The following OLA1 variants were observed in gnomAD, a reference collection of about 807,000 sequenced individuals.
The protein encoded by OLA1 is obg-like ATPase 1.
OLA1 carries 14 observed loss-of-function variants against 48.4 expected under a neutral mutation model. That is an observed-to-expected ratio of 0.29 (90% CI 0.19 to 0.45). The LOEUF (loss-of-function observed/expected upper bound fraction) is 0.45. Ranked by LOEUF, OLA1 falls within the 20% of genes least tolerant of loss-of-function variation. The pLI, the probability that OLA1 is intolerant of heterozygous loss-of-function variation, is 1.00. For synonymous variants in OLA1, 127 were observed against 150.4 expected, an observed-to-expected ratio of 0.84 and a Z score of 1.14; for missense variants, 325 against 467.1, an observed-to-expected ratio of 0.70 and a Z score of 2.80.
At chr2:174,176,838 A>C (rs1039566389) in intron 4 of OLA1, among the ~76,000 whole-genome samples, 3 of 152,212 alleles carry the variant, frequency 2.0e-5, no homozygotes, top group Admixed American at 6.5e-5. Context: ...TAAACTCATC[A>C]ATTCAAAATT....
At chr2:174,163,753 TATATATATATATATATATATATAA>T (rs1416500921) in intron 4 of OLA1, among the ~76,000 whole-genome samples, 549 of 39,842 alleles carry the variant, frequency 0.014, 50 homozygotes, top group African/African-American at 0.023. Flanking sequence ...TATATATATA[TATATATATATATATATATATATAA>T]ATAAATGTTT....
chr2:174,124,321 ATCTC>A (rs1339090806), intron 5 of OLA1: 1 of 151,106 alleles, frequency 6.6e-6, no homozygotes, highest in Non-Finnish European at 1.5e-5. Context: ...CTTTCAGAAC[ATCTC>A]TCTCTGCTGG....
chr2:174,075,259 G>C lies in OLA1; in HGVS notation c.*167C>G, dbSNP rs908060306. On this transcript the variant is annotated 3_prime_UTR_variant, in exon 11 of 11. Transcript: ENST00000284719. ...TTAGTGAACCTGCATTTCATGGGGG[G>C]GGGGGGGTACACAGTATTTTAATTT... The C allele has an allele frequency of 2.7e-5, 14 of 514,394 alleles. No individual in the cohort carries two copies. The highest frequency in any genetic ancestry group is 8.2e-5 in the African/African-American group (4 of 49,030). 31.9% of individuals were successfully genotyped at this position (514,394 alleles called of 1,614,324 possible).
At position 174,144,938 on chromosome 2, in the gene OLA1, AAAAAAAAAAAAAAATATATATATATATAT is replaced by A. The variant is rs1372506112; in HGVS notation, c.374-2967_374-2939del. Among the ~76,000 whole-genome samples, 10 of 58,012 alleles carry A rather than the reference AAAAAAAAAAAAAAATATATATATATATAT, an allele frequency of 1.7e-4. 1 individual carries two copies. The South Asian group carries it at 7.0e-3, about 41-fold the overall frequency. The allele number at this position is 58,012 out of a possible 152,430, so 38.1% of individuals were successfully genotyped here. ...CAGAGTAAGACCCTGTTTAAAAAAA[AAAAAAAAAAAAAAATATATATATATATAT>A]ATATATATATATATAATCACGGAAT... On this transcript the variant is annotated intron_variant, in intron 4 of 10. Coordinates refer to ENST00000284719, the MANE Select transcript of OLA1 (RefSeq NM_013341.5).
chr2:174,139,698 C>G (rs1574503382), intron 5 of OLA1, among the ~76,000 whole-genome samples: 1 of 151,956 alleles, frequency 6.6e-6, no homozygotes, highest in East Asian at 1.9e-4. Context: ...AACCCCGTCT[C>G]TACTAAAAAT....
chr2:174,088,567 C>T (rs4246616), intron 7 of OLA1, among the ~76,000 whole-genome samples: 82,913 of 152,056 alleles, frequency 0.55, 23,263 homozygotes, highest in East Asian at 0.95. Flanking sequence ...TAAAATTCAA[C>T]ACATCTTTAC....
At chr2:174,230,583 A>C (rs764481372) in intron 2 of OLA1, among the ~76,000 whole-genome samples, 1 of 152,218 alleles carries the variant, frequency 6.6e-6, no homozygotes, top group Non-Finnish European at 1.5e-5. Flanking sequence ...ATCATCTGTC[A>C]TCTTAATCTG....
chr2:174,226,640 C>T (rs564543057), intron 3 of OLA1, among the ~76,000 whole-genome samples: 8 of 152,238 alleles, frequency 5.3e-5, no homozygotes, highest in African/African-American at 1.9e-4. Flanking sequence ...GCTGGGATTA[C>T]AGCCATGGGC....
At chr2:174,090,490 G>T (rs750485196) in intron 7 of OLA1, among the ~76,000 whole-genome samples, 3 of 152,234 alleles carry the variant, frequency 2.0e-5, no homozygotes, top group Non-Finnish European at 2.9e-5. Context: ...GTTTGAGGGG[G>T]CATGTGAACC....
intron 4 of OLA1, among the ~76,000 whole-genome samples, chr2:174,180,493 T>C (rs1168262464): frequency 2.0e-5 from 3 of 152,218 alleles, no homozygotes; most frequent in African/African-American, 7.2e-5. Flanking sequence ...ACTTGACCTC[T>C]GACTGGGGCA....
chr2:174,090,255 C>T (rs982511207), intron 7 of OLA1, among the ~76,000 whole-genome samples: 2 of 152,108 alleles, frequency 1.3e-5, no homozygotes, highest in Admixed American at 1.3e-4. Flanking sequence ...TGAGGATTAA[C>T]GCACTTTCTG....
intron 2 of OLA1, among the ~76,000 whole-genome samples, chr2:174,236,960 T>C (rs1424794384): frequency 6.6e-6 from 1 of 152,154 alleles, no homozygotes; most frequent in African/African-American, 2.4e-5. Flanking sequence ...TTATGAACAT[T>C]GTACATTCAG....
chr2:174,153,436 G>C (rs1686792502), intron 4 of OLA1, among the ~76,000 whole-genome samples: 1 of 152,032 alleles, frequency 6.6e-6, no homozygotes, highest in South Asian at 2.1e-4. Flanking sequence ...ATTAAAATTG[G>C]AGCTTATATT....
At chr2:174,195,646 T>G (rs1687864562) in intron 4 of OLA1, among the ~76,000 whole-genome samples, 1 of 152,228 alleles carries the variant, frequency 6.6e-6, no homozygotes, top group Non-Finnish European at 1.5e-5. Context: ...GTTTTCCTGC[T>G]TTTAATCACT....
intron 2 of OLA1, among the ~76,000 whole-genome samples, chr2:174,241,251 G>T (rs1208769942): frequency 6.6e-6 from 1 of 152,130 alleles, no homozygotes; most frequent in Non-Finnish European, 1.5e-5. Flanking sequence ...TCACATGAGG[G>T]ATCCCAATGA....
chr2:174,245,383 C>A (rs912445864), intron 2 of OLA1, among the ~76,000 whole-genome samples: 12 of 152,148 alleles, frequency 7.9e-5, no homozygotes, highest in African/African-American at 2.7e-4. Flanking sequence ...TTAAGACATG[C>A]CTCACTTGGT....
chr2:174,073,348 C>A lies in OLA1; in HGVS notation c.*2078G>T, dbSNP rs1302767888. ...TTTGATTAAGATGGAGCTACAGATA[C>A]ATGCAAAAATATTTACATAACATCC... On this transcript the variant is annotated 3_prime_UTR_variant, in exon 11 of 11. Transcript: ENST00000284719. 6.6e-6 allele frequency: 1 copy of A among 152,012 alleles called. No homozygotes were observed. Among genetic ancestry groups the A allele is most frequent in the Admixed American group, 6.6e-5 (1 of 15,264 alleles). The allele number at this position is 152,012 out of a possible 1,614,324, so 9.4% of individuals were successfully genotyped here. A position where few individuals can be genotyped will look rare whatever the true frequency, so the allele number is the denominator to read the frequency against.
intron 4 of OLA1, among the ~76,000 whole-genome samples, chr2:174,161,738 A>G (rs1348728451): frequency 6.6e-6 from 1 of 151,798 alleles, no homozygotes; most frequent in African/African-American, 2.4e-5. Flanking sequence ...ACACACATAC[A>G]TACATTTGCA....
chr2:174,095,340 TTTTTTTTTTG>T (rs1380471783), intron 7 of OLA1, among the ~76,000 whole-genome samples: 3 of 125,898 alleles, frequency 2.4e-5, no homozygotes, highest in Admixed American at 8.0e-5. Flanking sequence ...TTTTTTTTTT[TTTTTTTTTTG>T]TTGTTGTTGT....
Sources: gnomAD v4.1 joint callset for allele counts (sites outside exome capture counted in the v4.1 genomes callset) on GRCh38, gnomAD v4.1.1 for gene constraint, MANE v1.5 for transcripts, NCBI Gene and HGNC (gene_info 2026-07-23, HGNC 2026-07-21) for gene names.